The following OTOA variants were observed in gnomAD, a reference collection of about 807,000 sequenced individuals.
OTOA encodes otoancorin, also known as cancer/testis antigen 108.
In OTOA, 70 loss-of-function variants were observed where a neutral mutation model predicts 110.8. The ratio of observed to expected loss-of-function variants is 0.63; its 90% CI spans 0.52 to 0.77. OTOA has a LOEUF of 0.77. Among genes scored for constraint, OTOA ranks in the 30% least tolerant of loss-of-function variants. The pLI is 0.00. For missense variants in OTOA, 917 were observed against 1,075.8 expected (o/e 0.85, Z 2.06); for synonymous variants, 373 against 431.5 (o/e 0.86, Z 1.68).
At chr16:21,699,145 T>C (rs1373131936) in intron 10 of OTOA, among the ~76,000 whole-genome samples, 2 of 151,930 alleles carry the variant, frequency 1.3e-5, no homozygotes, top group South Asian at 2.1e-4. Flanking sequence ...GAGACGAGGT[T>C]TCACCATGTT....
In OTOA at chr16:21,715,238, G is replaced by A. The variant is rs1008076497; in HGVS notation, c.1488+86G>A. 19 of 1,568,510 alleles carry A rather than the reference G, an allele frequency of 1.2e-5. No homozygotes were observed. The Admixed American group carries it at 2.5e-4, about 21-fold the overall frequency. ...TGAGTGGGCTGTGACTTTGGGCCAT[G>A]AACCCAGGGCTGGGATTGTCTCAGC... On this transcript the variant is annotated intron_variant, in intron 14 of 28. Transcript: ENST00000646100.
chr16:21,679,311 CA>C, intron 5 of OTOA, 100 bp downstream of exon 5: 1 of 1,282,832 alleles, frequency 7.8e-7, no homozygotes. Context: ...GTGCTCATTA[CA>C]AAAAATGTCA....
At chr16:21,718,708 A>G (rs1015588874) in intron 15 of OTOA, among the ~76,000 whole-genome samples, 2 of 152,174 alleles carry the variant, frequency 1.3e-5, no homozygotes, top group African/African-American at 4.8e-5. Context: ...TGCTAGCTGC[A>G]GGTACTTTAT....
At chr16:21,738,763 C>A (rs1401864558) in intron 22 of OTOA, among the ~76,000 whole-genome samples, 3 of 152,420 alleles carry the variant, frequency 2.0e-5, no homozygotes, top group Non-Finnish European at 4.4e-5. Flanking sequence ...AGGCCAAAAC[C>A]TAACATTTGG....
chr16:21,694,884 C>CA (rs1897900153), intron 9 of OTOA, among the ~76,000 whole-genome samples: 2 of 152,166 alleles, frequency 1.3e-5, no homozygotes, highest in South Asian at 4.1e-4. Context: ...CTCCAGGAAT[C>CA]AGAGTCTCAC....
chr16:21,696,573 C>CATT (rs1159996164), intron 9 of OTOA, among the ~76,000 whole-genome samples: 1 of 151,660 alleles, frequency 6.6e-6, no homozygotes, highest in Non-Finnish European at 1.5e-5. Context: ...AGATTATTAT[C>CATT]ATTATTATTA....
intron 12 of OTOA, among the ~76,000 whole-genome samples, chr16:21,708,565 T>C (rs1898262979): frequency 6.6e-6 from 1 of 152,200 alleles, no homozygotes; most frequent in Non-Finnish European, 1.5e-5. Context: ...CCGCTGGGTG[T>C]GCTCCACACT....
chr16:21,699,462 C>T lies in OTOA; in HGVS notation c.841-1426C>T, dbSNP rs1898008065. Reference sequence around the variant, plus strand: ...ACCAGCCTGGGCAACATAGTGAAACCTCATCTCTACAAAAAAATTTAAAAA... The same window carrying T: ...ACCAGCCTGGGCAACATAGTGAAACTTCATCTCTACAAAAAAATTTAAAAA... On this transcript the variant is annotated intron_variant, in intron 10 of 28. Transcript: ENST00000646100. Among the ~76,000 whole-genome samples, 4 of 151,924 alleles carry T rather than the reference C, an allele frequency of 2.6e-5. No individual in the cohort carries two copies. In the South Asian group the frequency reaches 8.3e-4, roughly 32 times the overall value.
intron 8 of OTOA, 122 bp from the exon 9 acceptor site, chr16:21,691,462 T>A (rs1801595505): frequency 1.3e-6 from 1 of 777,656 alleles, no homozygotes; most frequent in Non-Finnish European, 2.2e-6. Flanking sequence ...TTTCTCCACA[T>A]CCAGGAGAGG....
chr16:21,678,308 T>G (rs1966865573), intron 1 of OTOA, among the ~76,000 whole-genome samples: 1 of 151,656 alleles, frequency 6.6e-6, no homozygotes, highest in South Asian at 2.1e-4. Flanking sequence ...AGAATGGGGG[T>G]TTAGATGGAG....
rs386384450 is a variant in OTOA at position 21,695,891 on chromosome 16, A to ATTTTTTTTTTTTTT, written c.740-1878_740-1865dup. On this transcript the variant is annotated intron_variant, in intron 9 of 28. Coordinates refer to ENST00000646100, the MANE Select transcript of OTOA (RefSeq NM_144672.4). ...GATATATATATATATATATATATAT[A>ATTTTTTTTTTTTTT]TTTTTTTTTTTTTTTTTTTCTGAGA... Among the ~76,000 whole-genome samples the ATTTTTTTTTTTTTT allele has an allele frequency of 5.0e-4, 21 of 41,896 alleles. 1 individual carries two copies. Among genetic ancestry groups the ATTTTTTTTTTTTTT allele is most frequent in the Non-Finnish European group, 6.3e-4 (17 of 27,022 alleles). 27.5% of individuals were successfully genotyped at this position (41,896 alleles called of 152,430 possible).
At chr16:21,696,028 G>A (rs1897933406) in intron 9 of OTOA, among the ~76,000 whole-genome samples, 1 of 150,618 alleles carries the variant, frequency 6.6e-6, no homozygotes, top group African/African-American at 2.4e-5. Flanking sequence ...CTGAGTAGCT[G>A]GGACTACAGG....
At chr16:21,712,355 TA>T (rs1387434238) in intron 13 of OTOA, among the ~76,000 whole-genome samples, 1 of 148,044 alleles carries the variant, frequency 6.8e-6, no homozygotes, top group Non-Finnish European at 1.5e-5. Flanking sequence ...AAGAAAAAAG[TA>T]GTAGGAATCC....
intron 24 of OTOA, among the ~76,000 whole-genome samples, chr16:21,750,412 CAAAAAAAA>C (rs761415597): frequency 6.6e-4 from 24 of 36,400 alleles, no homozygotes; most frequent in Admixed American, 3.6e-3. Context: ...GACCTTGTCT[CAAAAAAAA>C]AAAAAAAAAA....
chr16:21,729,317 A>T (rs1363949158), intron 20 of OTOA, among the ~76,000 whole-genome samples: 2 of 152,172 alleles, frequency 1.3e-5, no homozygotes, highest in Non-Finnish European at 2.9e-5. Context: ...GATTATAGGT[A>T]TGGGCCACCA....
rs759207766 is a variant in OTOA, at chr16:21,710,015, A to G, written c.1232A>G (p.His411Arg). 6.2e-7 allele frequency: 1 copy of G among 1,614,076 alleles called. No individual in the cohort carries two copies. Among genetic ancestry groups the G allele is most frequent in the Admixed American group, 1.7e-5 (1 of 60,010 alleles). Residue 411 changes from histidine (H) to arginine (R), a missense_variant, in exon 13 of 29, where the codon CAC becomes CGC. This residue lies in a region of OTOA where 840 missense variants were observed against 910.2 expected (regional missense o/e 0.92). Transcript: ENST00000646100. ...GAATCCCTCTCCCCCGAGGCTGTGC[A>G]CGGAGCCATCTCCACCCTCAACCAG... Reference protein sequence around the residue: ...QLESLSPEAVHGAISTLNQVS... With the variant: ...QLESLSPEAVRGAISTLNQVS...
intron 28 of OTOA, among the ~76,000 whole-genome samples, chr16:21,759,657 T>C (rs900614005): frequency 6.6e-6 from 1 of 152,074 alleles, no homozygotes; most frequent in Non-Finnish European, 1.5e-5. Flanking sequence ...TCCCAGCACT[T>C]TGGGAGGCTG....
At chr16:21,697,964 T>A in intron 10 of OTOA, 89 bp downstream of exon 10, 2 of 1,166,826 alleles carry the variant, frequency 1.7e-6, no homozygotes, top group Non-Finnish European at 2.6e-6. Flanking sequence ...ATCCAGCCAG[T>A]CAAGGTGCCT....
rs1469852497 is a variant in OTOA, at chr16:21,697,819, G to C, written c.784G>C (p.Gly262Arg). The C allele has an allele frequency of 6.2e-7, 1 of 1,614,004 alleles. No homozygotes were observed. Among genetic ancestry groups the C allele is most frequent in the Non-Finnish European group, 8.5e-7 (1 of 1,179,996 alleles). ...WVSAEHLWVL[G>R]RYMVHLSFEE... Reference sequence around the variant, plus strand: ...CAGTGCGGAACACTTATGGGTTTTGGGCAGATACATGGTTCACCTATCGTT... The same window carrying C: ...CAGTGCGGAACACTTATGGGTTTTGCGCAGATACATGGTTCACCTATCGTT... Residue 262 changes from glycine to arginine, a missense_variant, in exon 10 of 29, where the codon GGC (glycine) becomes CGC (arginine). Transcript: ENST00000646100.
Sources: gnomAD v4.1 joint callset for allele counts (sites outside exome capture counted in the v4.1 genomes callset) on GRCh38, gnomAD v4.1.1 for gene constraint, gnomAD v4.1.1 regional missense constraint, MANE v1.5 for transcripts, NCBI Gene and HGNC (gene_info 2026-07-23, HGNC 2026-07-21) for gene names.